The following GOSR1 variants were observed in gnomAD, a reference collection of about 807,000 sequenced individuals.
The protein encoded by GOSR1 is golgi SNAP receptor complex member 1, also known as 28 kDa Golgi SNARE protein.
In GOSR1, 21 loss-of-function variants were observed where a neutral mutation model predicts 35.5. The observed-to-expected ratio is 0.59, with a 90% CI of 0.42 to 0.85. The LOEUF (loss-of-function observed/expected upper bound fraction) is 0.85. Ranked by LOEUF, GOSR1 falls within the 40% of genes least tolerant of loss-of-function variation. The pLI, the probability that GOSR1 is intolerant of heterozygous loss-of-function variation, is 0.00. For synonymous variants in GOSR1, 94 were observed against 106.6 expected (o/e 0.88, Z 0.73); for missense variants, 285 against 309.6 (o/e 0.92, Z 0.60).
chr17:30,489,599 A>G (rs1914894017), intron 4 of GOSR1, among the ~76,000 whole-genome samples: 1 of 152,136 alleles, frequency 6.6e-6, no homozygotes, highest in African/African-American at 2.4e-5. Flanking sequence ...CTTTATCTAC[A>G]TCTCTGAATT....
Position 30,481,161 on chromosome 17 carries a change from G to T in GOSR1, c.50G>T (p.Arg17Leu). The T allele has an allele frequency of 6.3e-7, 1 of 1,599,102 alleles. No individual in the cohort carries two copies. Among genetic ancestry groups the T allele is most frequent in the South Asian group, 1.1e-5 (1 of 90,792 alleles). ...GTTAAAGATCTCAGGAAACAGGCTC[G>T]ACAGCTGGAAAATGAACTTGACCTG... ...SYWEDLRKQA[R>L]QLENELDLKL... Residue 17 changes from arginine (R) to leucine (L), a missense_variant, in exon 2 of 9, where the codon CGA becomes CTA. Arg to Leu is a moderately radical substitution (Grantham distance 102). Coordinates refer to ENST00000451249, the MANE Select transcript of GOSR1 (RefSeq NM_001007025.2).
chr17:30,496,397 C>A (rs567195366), intron 6 of GOSR1, among the ~76,000 whole-genome samples: 1 of 152,328 alleles, frequency 6.6e-6, no homozygotes, highest in Non-Finnish European at 1.5e-5. Flanking sequence ...TGTTGTTTGG[C>A]TGCTGCTCTG....
At chr17:30,479,503 TTTTTTC>T (rs1914188966) in intron 1 of GOSR1, 1 of 152,284 alleles carries the variant, frequency 6.6e-6, no homozygotes, top group African/African-American at 2.4e-5. Context: ...TTCAGTAAGT[TTTTTTC>T]TTTTTTTTAG....
At chr17:30,485,747 C>T (rs972032798) in intron 4 of GOSR1, among the ~76,000 whole-genome samples, 1 of 152,130 alleles carries the variant, frequency 6.6e-6, no homozygotes, top group Non-Finnish European at 1.5e-5. Context: ...GATGGCCGGG[C>T]GCAGTGGCTC....
chr17:30,495,545 T>C, intron 6 of GOSR1: 2 of 400,680 alleles, frequency 5.0e-6, no homozygotes, highest in South Asian at 1.8e-5. Context: ...ATCAGTCACC[T>C]TTTACCCAGG....
chr17:30,495,044 C>T (rs770091025), intron 6 of GOSR1, among the ~76,000 whole-genome samples: 3 of 151,234 alleles, frequency 2.0e-5, no homozygotes, highest in South Asian at 4.2e-4. Context: ...AAAAATTAGC[C>T]GGGTATGGTG....
chr17:30,507,615 C>T (rs1597789799), intron 6 of GOSR1, among the ~76,000 whole-genome samples: 1 of 151,538 alleles, frequency 6.6e-6, no homozygotes, highest in Non-Finnish European at 1.5e-5. Flanking sequence ...CCCCGCTACT[C>T]GGGAGGTTGA....
intron 4 of GOSR1, among the ~76,000 whole-genome samples, chr17:30,487,731 A>G (rs1431619882): frequency 6.6e-6 from 1 of 152,206 alleles, no homozygotes; most frequent in African/African-American, 2.4e-5. Flanking sequence ...TAGCACTACC[A>G]GAATTTAAAT....
At chr17:30,511,843 T>G (rs1967625278) in intron 7 of GOSR1, among the ~76,000 whole-genome samples, 1 of 152,210 alleles carries the variant, frequency 6.6e-6, no homozygotes, top group South Asian at 2.1e-4. Context: ...ATTTGTATTC[T>G]TACCATGGAT....
intron 7 of GOSR1, 128 bp from the exon 8 acceptor site, chr17:30,519,811 T>C (rs1187378482): frequency 1.6e-6 from 1 of 633,978 alleles, no homozygotes; most frequent in Non-Finnish European, 2.8e-6. Context: ...TTTTTTCCCC[T>C]TATTTTCTGG....
At chr17:30,505,316 C>G (rs1967360327) in intron 6 of GOSR1, among the ~76,000 whole-genome samples, 1 of 152,138 alleles carries the variant, frequency 6.6e-6, no homozygotes, top group Non-Finnish European at 1.5e-5. Flanking sequence ...AGGAGGATTG[C>G]TTGAAGCCCA....
At chr17:30,502,339 T>G (rs781038614) in intron 6 of GOSR1, among the ~76,000 whole-genome samples, 2 of 152,186 alleles carry the variant, frequency 1.3e-5, no homozygotes, top group Non-Finnish European at 2.9e-5. Flanking sequence ...GCATGGTGTT[T>G]AGTTAGTAAT....
At chr17:30,519,516 T>G (rs1022856842) in intron 7 of GOSR1, among the ~76,000 whole-genome samples, 5 of 152,334 alleles carry the variant, frequency 3.3e-5, no homozygotes, top group Non-Finnish European at 5.9e-5. Flanking sequence ...TGATATTTTA[T>G]ATTTCTTTTC....
intron 5 of GOSR1, among the ~76,000 whole-genome samples, chr17:30,491,247 A>G (rs1915024363): frequency 6.6e-6 from 1 of 152,254 alleles, no homozygotes; most frequent in Non-Finnish European, 1.5e-5. Context: ...GGGAATCACT[A>G]GAATGCAACC....
intron 6 of GOSR1, among the ~76,000 whole-genome samples, chr17:30,494,567 A>G (rs1966922390): frequency 6.6e-6 from 1 of 152,022 alleles, no homozygotes; most frequent in Non-Finnish European, 1.5e-5. Flanking sequence ...AATTTTGTAT[A>G]GTTCTTCTCC....
intron 7 of GOSR1, 102 bp downstream of exon 7, chr17:30,511,011 T>G: frequency 1.4e-6 from 1 of 714,340 alleles, no homozygotes; most frequent in Middle Eastern, 2.9e-4. Flanking sequence ...AAAAACATTT[T>G]AATGAACAGA....
In GOSR1 at chr17:30,481,275, TTC is replaced by T; in HGVS notation, c.146+20_146+21del. 6.3e-7 allele frequency: 1 copy of T among 1,585,910 alleles called. No homozygotes were observed. The highest frequency in any genetic ancestry group is 8.7e-7 in the Non-Finnish European group (1 of 1,155,504). ...CGCGACAGGTATAGGTACTACCAGA[TTC>T]TGTCTCCTATGCCTTAACTGTGTTT... On this transcript the variant is annotated intron_variant, in intron 2 of 8. Transcript: ENST00000451249.
chr17:30,515,098 T>G (rs1379639150), intron 7 of GOSR1, among the ~76,000 whole-genome samples: 1 of 152,168 alleles, frequency 6.6e-6, no homozygotes, highest in African/African-American at 2.4e-5. Flanking sequence ...CTAGTGATTA[T>G]TGGCTGTTCC....
intron 6 of GOSR1, among the ~76,000 whole-genome samples, chr17:30,509,965 A>G (rs937604439): frequency 2.0e-5 from 3 of 152,222 alleles, no homozygotes; most frequent in Non-Finnish European, 4.4e-5. Context: ...CTATTTAAAG[A>G]GAAAGTTCAT....
Sources: allele counts gnomAD v4.1 joint callset (sites outside exome capture counted in the v4.1 genomes callset), GRCh38; gene constraint gnomAD v4.1.1; transcripts MANE v1.5; gene names NCBI Gene and HGNC (gene_info 2026-07-23, HGNC 2026-07-21).